The following FGF14 variants were observed in gnomAD, a reference collection of about 807,000 sequenced individuals.
FGF14 encodes fibroblast growth factor 14.
FGF14 carries 5 observed loss-of-function variants against 25.5 expected under a neutral mutation model. That is an observed-to-expected ratio of 0.20 (90% CI 0.10 to 0.41). The LOEUF (loss-of-function observed/expected upper bound fraction) is 0.41, where lower values mean the gene tolerates loss of function less well. Among genes scored for constraint, FGF14 ranks in the 10% least tolerant of loss-of-function variants. FGF14 has a pLI of 1.00. For synonymous variants in FGF14, 138 were observed against 118.3 expected (o/e 1.17, Z -1.08); for missense variants, 222 against 320.1 (o/e 0.69, Z 2.34).
chr13:102,297,665 T>G (rs1421626057), intron 1 of FGF14, among the ~76,000 whole-genome samples: 1 of 151,756 alleles, frequency 6.6e-6, no homozygotes, highest in Non-Finnish European at 1.5e-5. Context: ...GCAGGAGGAT[T>G]GCTTTAGCCC....
At chr13:101,724,088 C>CA (rs1219294381) in intron 4 of FGF14, among the ~76,000 whole-genome samples, 1 of 151,996 alleles carries the variant, frequency 6.6e-6, no homozygotes, top group Non-Finnish European at 1.5e-5. Flanking sequence ...GCTAAGGTAG[C>CA]AAAAGGAACT....
At chr13:102,182,880 G>A (rs2048732450) in intron 1 of FGF14, among the ~76,000 whole-genome samples, 1 of 152,142 alleles carries the variant, frequency 6.6e-6, no homozygotes, top group African/African-American at 2.4e-5. Flanking sequence ...TCCTATGACT[G>A]TACTCCTGCA....
intron 1 of FGF14, among the ~76,000 whole-genome samples, chr13:101,904,290 G>C (rs1054323311): frequency 2.6e-5 from 4 of 152,112 alleles, no homozygotes; most frequent in African/African-American, 2.4e-5. Context: ...AGTAAGGATA[G>C]TGGTAAATAA....
At chr13:101,877,216 G>A (rs1271573932) in intron 1 of FGF14, among the ~76,000 whole-genome samples, 1 of 152,044 alleles carries the variant, frequency 6.6e-6, no homozygotes, top group Admixed American at 6.6e-5. Context: ...TTGGGTGAGG[G>A]AGCACAAATA....
chr13:102,085,303 C>T (rs1310780252), intron 1 of FGF14, among the ~76,000 whole-genome samples: 2 of 152,208 alleles, frequency 1.3e-5, no homozygotes, highest in African/African-American at 4.8e-5. Context: ...CAGGTATGTG[C>T]CAGGCATTGT....
intron 3 of FGF14, among the ~76,000 whole-genome samples, chr13:101,790,941 A>G (rs746510631): frequency 6.6e-5 from 10 of 152,220 alleles, no homozygotes; most frequent in Non-Finnish European, 1.5e-4. Context: ...TGCCAAAGAT[A>G]TAGGTGCTTG....
At chr13:102,134,412 G>T (rs534030860) in intron 1 of FGF14, among the ~76,000 whole-genome samples, 94 of 152,292 alleles carry the variant, frequency 6.2e-4, no homozygotes, top group African/African-American at 2.2e-3. Context: ...GTCCTGAATG[G>T]AAAATCAGTG....
intron 2 of FGF14, among the ~76,000 whole-genome samples, chr13:101,873,040 A>C (rs542200944): frequency 1.7e-4 from 25 of 150,686 alleles, no homozygotes; most frequent in Admixed American, 1.1e-3. Context: ...AAAAAAAAAA[A>C]ACATATATTT....
At chr13:101,958,488 C>T (rs886602343) in intron 1 of FGF14, among the ~76,000 whole-genome samples, 1 of 152,208 alleles carries the variant, frequency 6.6e-6, no homozygotes, top group East Asian at 1.9e-4. Flanking sequence ...CTGGTTTAGG[C>T]CTCCTTGCTT....
intron 3 of FGF14, among the ~76,000 whole-genome samples, chr13:101,761,719 T>C (rs2139909377): frequency 6.6e-6 from 1 of 152,292 alleles, no homozygotes; most frequent in Admixed American, 6.5e-5. Context: ...TATAAAAACA[T>C]CACTATGTAC....
rs926422000 is a variant in FGF14, at chr13:101,711,376, C to T, written c.*11455G>A. ...GAAGTCCAGCATACACACACACTCA[C>T]CCACCCACAACCTGTCCCACATCCC... is the stretch of plus-strand genomic sequence containing the variant. On this transcript the variant is annotated 3_prime_UTR_variant, in exon 5 of 5. Coordinates refer to ENST00000376143, the MANE Select transcript of FGF14 (RefSeq NM_004115.4). The T allele has an allele frequency of 6.6e-6, 1 of 152,336 alleles. No individual in the cohort carries two copies. Among genetic ancestry groups the T allele is most frequent in the African/African-American group, 2.4e-5 (1 of 41,426 alleles). The allele number at this position is 152,336 out of a possible 1,614,324, so 9.4% of individuals were successfully genotyped here.
intron 1 of FGF14, among the ~76,000 whole-genome samples, chr13:102,005,634 T>C (rs1481871666): frequency 6.6e-6 from 1 of 152,176 alleles, no homozygotes; most frequent in African/African-American, 2.4e-5. Flanking sequence ...AGATGACACG[T>C]TTTTAAAGGC....
intron 1 of FGF14, among the ~76,000 whole-genome samples, chr13:102,056,840 A>T (rs536747547): frequency 6.7e-6 from 1 of 149,936 alleles, no homozygotes; most frequent in African/African-American, 2.4e-5. Context: ...TGAAATTCTT[A>T]AAATAATTTC....
At chr13:102,310,269 C>T (rs960929398) in intron 1 of FGF14, among the ~76,000 whole-genome samples, 1 of 152,302 alleles carries the variant, frequency 6.6e-6, no homozygotes, top group East Asian at 1.9e-4. Context: ...ATGAAACACA[C>T]GTGTGTGTGC....
intron 1 of FGF14, chr13:102,292,321 C>G (rs1308655231): frequency 7.8e-6 from 1 of 128,910 alleles, no homozygotes; most frequent in Non-Finnish European, 1.6e-5. Context: ...AATTTCAAAG[C>G]ATTTTCAAAG....
intron 1 of FGF14, among the ~76,000 whole-genome samples, chr13:102,277,493 A>G (rs2141193829): frequency 6.6e-6 from 1 of 152,332 alleles, no homozygotes; most frequent in African/African-American, 2.4e-5. Flanking sequence ...TTGACTTACC[A>G]GCCCAACCTG....
In FGF14 at chr13:101,865,462, C is replaced by T. The variant is rs111864807; in HGVS notation, c.408+3263G>A. Among the ~76,000 whole-genome samples, 37 of 152,106 alleles carry T rather than the reference C, an allele frequency of 2.4e-4. 1 individual carries two copies. The highest frequency in any genetic ancestry group is 7.2e-4 in the African/African-American group (30 of 41,498). ...TACCTTCAATCAAATGGCTTGTATC[C>T]GACATTAAATCTCTTGTAGCACAAT... On this transcript the variant is annotated intron_variant, in intron 3 of 4. Coordinates refer to ENST00000376143, the MANE Select transcript of FGF14 (RefSeq NM_004115.4).
chr13:102,194,920 TA>T (rs1339098642), intron 1 of FGF14, among the ~76,000 whole-genome samples: 1 of 152,160 alleles, frequency 6.6e-6, no homozygotes, highest in African/African-American at 2.4e-5. Context: ...ATTGATTTCT[TA>T]TCAGAAACTA....
intron 3 of FGF14, among the ~76,000 whole-genome samples, chr13:101,759,574 G>A (rs2037878187): frequency 6.6e-6 from 1 of 152,118 alleles, no homozygotes; most frequent in South Asian, 2.1e-4. Context: ...CCCTAGGTTG[G>A]AAAGACAGGT....
Sources: allele counts gnomAD v4.1 joint callset (sites outside exome capture counted in the v4.1 genomes callset), GRCh38; gene constraint gnomAD v4.1.1; transcripts MANE v1.5; gene names NCBI Gene and HGNC (gene_info 2026-07-23, HGNC 2026-07-21).